The following DLGAP2 variants were observed in gnomAD, a reference collection of about 807,000 sequenced individuals.
DLGAP2 encodes the protein disks large-associated protein 2.
DLGAP2 carries 26 observed loss-of-function variants against 100.3 expected under a neutral mutation model. That is an observed-to-expected ratio of 0.26 (90% CI 0.19 to 0.36). DLGAP2 has a LOEUF of 0.36. DLGAP2 is among the 10% of genes least tolerant of loss of function. The pLI is 1.00. For synonymous variants in DLGAP2, 886 were observed against 630.1 expected (o/e 1.41, Z -6.08); for missense variants, 1,858 against 1,453.2 (o/e 1.28, Z -4.53).
intron 3 of DLGAP2, among the ~76,000 whole-genome samples, chr8:1,485,850 C>G (rs142790856): frequency 6.6e-6 from 1 of 152,134 alleles, no homozygotes; most frequent in African/African-American, 2.4e-5. Context: ...CATGGCGAAA[C>G]CCCATCTCTA....
intron 2 of DLGAP2, among the ~76,000 whole-genome samples, chr8:1,061,301 C>G (rs1563170687): frequency 6.6e-6 from 1 of 152,176 alleles, no homozygotes; most frequent in Non-Finnish European, 1.5e-5. Context: ...CTGCCTTACT[C>G]TCTCCAATGT....
chr8:1,317,286 C>G (rs1240024550), intron 3 of DLGAP2, among the ~76,000 whole-genome samples: 1 of 137,384 alleles, frequency 7.3e-6, no homozygotes, highest in South Asian at 2.4e-4. Context: ...GGTCTACACT[C>G]GAGAAACTCG....
At chr8:1,657,050 C>G (rs1228014722) in intron 8 of DLGAP2, among the ~76,000 whole-genome samples, 2 of 152,020 alleles carry the variant, frequency 1.3e-5, no homozygotes, top group African/African-American at 4.8e-5. Context: ...GAAACCAATG[C>G]TAGGCTTTAA....
chr8:955,284 C>T (rs1462149540), intron 2 of DLGAP2, among the ~76,000 whole-genome samples: 1 of 152,104 alleles, frequency 6.6e-6, no homozygotes, highest in Non-Finnish European at 1.5e-5. Context: ...TGGAGTTAAA[C>T]CTGTGGTGCC....
At chr8:1,009,056 G>C (rs541982223) in intron 2 of DLGAP2, among the ~76,000 whole-genome samples, 16 of 152,324 alleles carry the variant, frequency 1.1e-4, no homozygotes, top group African/African-American at 3.8e-4. Context: ...GCTGGGTGGG[G>C]GCCCTGATGG....
At chr8:1,003,064 C>G (rs571462807) in intron 2 of DLGAP2, 1 of 152,342 alleles carries the variant, frequency 6.6e-6, no homozygotes. Flanking sequence ...CCCTGAGTCC[C>G]TGAGCCACTG....
At chr8:1,469,350 G>C (rs1442913311) in intron 3 of DLGAP2, among the ~76,000 whole-genome samples, 1 of 152,212 alleles carries the variant, frequency 6.6e-6, no homozygotes, top group African/African-American at 2.4e-5. Context: ...AGAGCGAAGC[G>C]GGCTTTATTC....
intron 3 of DLGAP2, among the ~76,000 whole-genome samples, chr8:1,435,850 G>T (rs1271462725): frequency 2.0e-5 from 3 of 151,784 alleles, no homozygotes; most frequent in African/African-American, 4.8e-5. Flanking sequence ...GTGTTTTTGG[G>T]TCTTAGTGCT....
chr8:1,472,984 G>T (rs1293256751), intron 3 of DLGAP2, among the ~76,000 whole-genome samples: 1 of 152,048 alleles, frequency 6.6e-6, no homozygotes, highest in Admixed American at 6.6e-5. Context: ...AGGCTGGAGT[G>T]CAGTGGCTTG....
intron 2 of DLGAP2, among the ~76,000 whole-genome samples, chr8:1,164,806 G>C (rs1005694382): frequency 4.6e-5 from 7 of 152,156 alleles, no homozygotes; most frequent in African/African-American, 1.7e-4. Flanking sequence ...CGTGTGGAAA[G>C]TGTGCGTGTG....
chr8:1,262,843 G>T (rs1365430782), intron 3 of DLGAP2, among the ~76,000 whole-genome samples: 1 of 152,126 alleles, frequency 6.6e-6, no homozygotes, highest in Non-Finnish European at 1.5e-5. Context: ...TTTTCAACTA[G>T]AACACAGGAA....
chr8:1,421,393 C>A (rs1797083348), intron 3 of DLGAP2, among the ~76,000 whole-genome samples: 1 of 152,114 alleles, frequency 6.6e-6, no homozygotes, highest in African/African-American at 2.4e-5. Context: ...ATCAACATCC[C>A]ATTCTGAGGC....
chr8:1,105,453 T>C (rs1436662673), intron 2 of DLGAP2, among the ~76,000 whole-genome samples: 14 of 152,060 alleles, frequency 9.2e-5, no homozygotes, highest in Admixed American at 9.2e-4. Flanking sequence ...CACCCTAACA[T>C]GGTTCTGGTC....
chr8:969,556 A>T (rs774912023), intron 2 of DLGAP2, among the ~76,000 whole-genome samples: 18 of 151,106 alleles, frequency 1.2e-4, no homozygotes, highest in African/African-American at 4.1e-4. Flanking sequence ...AAAAAAAAAG[A>T]TATAAACTTA....
chr8:859,479 A>T (rs1310531395), intron 1 of DLGAP2, among the ~76,000 whole-genome samples: 5 of 152,082 alleles, frequency 3.3e-5, no homozygotes, highest in Non-Finnish European at 1.5e-5. Flanking sequence ...CTTGCCTGAG[A>T]GCTGGTTAGC....
chr8:812,783 A>G (rs1358731539), intron 1 of DLGAP2, among the ~76,000 whole-genome samples: 2 of 152,228 alleles, frequency 1.3e-5, no homozygotes, highest in Non-Finnish European at 1.5e-5. Context: ...GGGGTTGAGA[A>G]ATGAGATCAA....
At chr8:922,261 A>G (rs767190630) in intron 2 of DLGAP2, among the ~76,000 whole-genome samples, 3 of 152,218 alleles carry the variant, frequency 2.0e-5, no homozygotes, top group Non-Finnish European at 4.4e-5. Context: ...CCGTATCTCT[A>G]TGGGATGAGT....
intron 3 of DLGAP2, among the ~76,000 whole-genome samples, chr8:1,432,636 T>C (rs1036456315): frequency 6.6e-6 from 1 of 152,162 alleles, no homozygotes; most frequent in African/African-American, 2.4e-5. Flanking sequence ...TAAAAACACA[T>C]TTGACATTTT....
intron 3 of DLGAP2, among the ~76,000 whole-genome samples, chr8:1,344,109 A>AGGGCGCTGTCGTGGGTCCG (rs1801486457): frequency 1.1e-4 from 3 of 26,864 alleles, no homozygotes; most frequent in African/African-American, 2.7e-4. Flanking sequence ...TCGTGGGTCC[A>AGGGCGCTGTCGTGGGTCCG]TGTATTCGGG....
Sources: allele counts gnomAD v4.1 joint callset (sites outside exome capture counted in the v4.1 genomes callset), GRCh38; gene constraint gnomAD v4.1.1; transcripts MANE v1.5; gene names NCBI Gene and HGNC (gene_info 2026-07-23, HGNC 2026-07-21).